The following BMP7 variants were observed in gnomAD, a reference collection of about 807,000 sequenced individuals.
BMP7 encodes osteogenic protein 1.
A neutral mutation model predicts 41.2 loss-of-function variants in BMP7; 12 were observed. That is an observed-to-expected ratio of 0.29 (90% CI 0.19 to 0.47). BMP7 has a LOEUF of 0.47. BMP7 is among the 20% of genes least tolerant of loss of function. The pLI is 0.99. For synonymous variants in BMP7, 248 were observed against 250.0 expected, an observed-to-expected ratio of 0.99 and a Z score of 0.07; for missense variants, 467 against 606.0, an observed-to-expected ratio of 0.77 and a Z score of 2.41.
At chr20:57,250,538 C>CAAAAAAAAAAAAAA (rs57036984) in intron 1 of BMP7, among the ~76,000 whole-genome samples, 1 of 89,554 alleles carries the variant, frequency 1.1e-5, no homozygotes, top group African/African-American at 3.4e-5. Context: ...GACTCTGACT[C>CAAAAAAAAAAAAAA]AAAAAAAAAA....
chr20:57,197,668 C>A (rs779069739), intron 3 of BMP7, among the ~76,000 whole-genome samples: 3 of 152,204 alleles, frequency 2.0e-5, no homozygotes, highest in Non-Finnish European at 4.4e-5. Context: ...CTAAATAAAT[C>A]AACAATTAGA....
intron 2 of BMP7, among the ~76,000 whole-genome samples, chr20:57,216,495 C>G (rs1985022784): frequency 6.7e-6 from 1 of 150,108 alleles, no homozygotes; most frequent in Non-Finnish European, 1.5e-5. Flanking sequence ...AGGGCGCTGT[C>G]TCCTGAGGGC....
In BMP7 at chr20:57,232,242, AG is replaced by A. The variant is rs537504860; in HGVS notation, c.419-3822del. Among the ~76,000 whole-genome samples the A allele has an allele frequency of 1.2e-4, 19 of 152,170 alleles. 1 individual carries two copies. In the South Asian group the frequency reaches 3.7e-3, roughly 30 times the overall value. The stretch of plus-strand genomic sequence containing the variant: ...TAGTAACAATGGCCCTTTCTCATGG[AG>A]TTGTTGGGAAGATTACAGAAGCCAT... On this transcript the variant is annotated intron_variant, in intron 1 of 6. Transcript: ENST00000395863.
chr20:57,204,215 C>T (rs907370972), intron 2 of BMP7, among the ~76,000 whole-genome samples: 3 of 152,166 alleles, frequency 2.0e-5, no homozygotes, highest in Non-Finnish European at 4.4e-5. Context: ...GGGCAGGAGC[C>T]GAGCCACTCA....
At chr20:57,205,540 ACTT>A (rs1349903324) in intron 2 of BMP7, among the ~76,000 whole-genome samples, 1 of 152,218 alleles carries the variant, frequency 6.6e-6, no homozygotes, top group Non-Finnish European at 1.5e-5. Flanking sequence ...AGTCGAAACA[ACTT>A]CTCCTACTGA....
intron 3 of BMP7, among the ~76,000 whole-genome samples, chr20:57,198,998 C>T (rs1984564125): frequency 6.6e-6 from 1 of 152,166 alleles, no homozygotes; most frequent in Non-Finnish European, 1.5e-5. Context: ...TTCAGGTGAC[C>T]CTGTCTCTAC....
rs1272904190 is a variant in BMP7, at chr20:57,265,781, C to G, written c.342G>C (p.Gln114His). 5 of 1,610,400 alleles carry G rather than the reference C, an allele frequency of 3.1e-6. No individual in the cohort carries two copies. Among genetic ancestry groups the G allele is most frequent in the Non-Finnish European group, 4.2e-6 (5 of 1,178,670 alleles). ...SYPYKAVFSTQGPPLASLQDS... is the reference protein window; with the variant it reads ...SYPYKAVFSTHGPPLASLQDS... ...CTTGCAGGCTGGCCAGAGGGGGGCC[C>G]TGGGTACTGAAGACGGCCTTGTAGG... Residue 114 changes from glutamine (Q) to histidine (H), a missense_variant, in exon 1 of 7, where the codon CAG (glutamine) becomes CAC (histidine). Gln to His is a conservative substitution (Grantham distance 24). Coordinates refer to ENST00000395863, the MANE Select transcript of BMP7 (RefSeq NM_001719.3).
At chr20:57,191,679 G>A (rs919579916) in intron 3 of BMP7, among the ~76,000 whole-genome samples, 4 of 149,660 alleles carry the variant, frequency 2.7e-5, no homozygotes, top group Admixed American at 1.3e-4. Context: ...GCAGTGAGCC[G>A]GAGATCATGT....
At position 57,247,096 on chromosome 20, in the gene BMP7, A is replaced by G. The variant is rs2066093472; in HGVS notation, c.418+18609T>C. On this transcript the variant is annotated intron_variant, in intron 1 of 6. Coordinates refer to ENST00000395863, the MANE Select transcript of BMP7 (RefSeq NM_001719.3). ...ATGGCTAACATAGCTGTAATCAGAT[A>G]GTAGACACACCTCCACACCCCAGCC... is the stretch of plus-strand genomic sequence containing the variant. 2.6e-5 allele frequency among the ~76,000 whole-genome samples: 4 copies of G among 152,242 alleles called. No individual in the cohort carries two copies. The South Asian group carries it at 8.3e-4, about 32-fold the overall frequency.
At position 57,259,024 on chromosome 20, in the gene BMP7, A is replaced by C. The variant is rs1284884328; in HGVS notation, c.418+6681T>G. Reference sequence around the variant, plus strand: ...CTTGTAGCCTTTATAAAATGAGGACACAAATGCAGAGATGTTAAGTAACTT... The same window carrying C: ...CTTGTAGCCTTTATAAAATGAGGACCCAAATGCAGAGATGTTAAGTAACTT... On this transcript the variant is annotated intron_variant, in intron 1 of 6. Transcript: ENST00000395863. The surrounding 1 kb of genome is among the most constrained non-coding windows in gnomAD (Gnocchi z 4.7). Among the ~76,000 whole-genome samples the C allele has an allele frequency of 6.6e-6, 1 of 152,208 alleles. No individual in the cohort carries two copies. The highest frequency in any genetic ancestry group is 2.4e-5 in the African/African-American group (1 of 41,446).
intron 6 of BMP7, among the ~76,000 whole-genome samples, chr20:57,172,220 G>C (rs532031640): frequency 2.2e-3 from 338 of 152,306 alleles, no homozygotes; most frequent in Non-Finnish European, 3.8e-3. Context: ...CCAGGCCAGG[G>C]AACAGGTTGG....
At chr20:57,248,497 T>C (rs1303005123) in intron 1 of BMP7, among the ~76,000 whole-genome samples, 1 of 152,230 alleles carries the variant, frequency 6.6e-6, no homozygotes, top group Non-Finnish European at 1.5e-5. Context: ...GAGCTCTTTG[T>C]GCCATTCCCC....
intron 1 of BMP7, among the ~76,000 whole-genome samples, chr20:57,264,087 C>G (rs2066164048): frequency 6.6e-6 from 1 of 152,196 alleles, no homozygotes; most frequent in Non-Finnish European, 1.5e-5. Context: ...ATAATTTAAA[C>G]TTTTTTGAAG....
In BMP7 at chr20:57,174,482, A is replaced by C. The variant is rs1027200809; in HGVS notation, c.1035+449T>G. 4.6e-5 allele frequency among the ~76,000 whole-genome samples: 7 copies of C among 151,882 alleles called. No individual in the cohort carries two copies. The highest frequency in any genetic ancestry group is 1.5e-4 in the African/African-American group (6 of 41,314). ...AGCCATGTGCCAGTAACATGACCCCACCCCTGAAACAGTTGACTGGTTCAG... is the reference window on the plus strand; with the variant it reads ...AGCCATGTGCCAGTAACATGACCCCCCCCCTGAAACAGTTGACTGGTTCAG... On this transcript the variant is annotated intron_variant, in intron 5 of 6. Transcript: ENST00000395863. The surrounding 1 kb of genome is among the most constrained non-coding windows in gnomAD (Gnocchi z 4.3).
At chr20:57,212,577 C>G (rs562573273) in intron 2 of BMP7, among the ~76,000 whole-genome samples, 1 of 152,200 alleles carries the variant, frequency 6.6e-6, no homozygotes, top group Non-Finnish European at 1.5e-5. Flanking sequence ...GTTGCTGGGC[C>G]GCAAGGATAT....
chr20:57,219,566 G>A (rs1477934400), intron 2 of BMP7, among the ~76,000 whole-genome samples: 1 of 152,158 alleles, frequency 6.6e-6, no homozygotes, highest in Non-Finnish European at 1.5e-5. Flanking sequence ...GCCCTACTAT[G>A]CCCAGGATGG....
chr20:57,193,238 T>C (rs1409149104), intron 3 of BMP7, among the ~76,000 whole-genome samples: 4 of 152,166 alleles, frequency 2.6e-5, no homozygotes, highest in Non-Finnish European at 5.9e-5. Flanking sequence ...CACAAAGAAC[T>C]CTCTGAGCTG....
At chr20:57,216,512 G>A (rs1472490617) in intron 2 of BMP7, among the ~76,000 whole-genome samples, 2 of 150,804 alleles carry the variant, frequency 1.3e-5, no homozygotes, top group Admixed American at 6.6e-5. Flanking sequence ...GGGCGAGGGG[G>A]CTGTCTCCTG....
intron 3 of BMP7, 77 bp downstream of exon 3, chr20:57,202,398 G>C: frequency 2.6e-6 from 4 of 1,553,612 alleles, no homozygotes; most frequent in Middle Eastern, 2.2e-4. Flanking sequence ...AGTGAAGCAA[G>C]CATGAGCACT....
Sources: gnomAD v4.1 joint callset for allele counts (sites outside exome capture counted in the v4.1 genomes callset) on GRCh38, gnomAD v4.1.1 for gene constraint, Gnocchi (gnomAD v3.1) non-coding constraint, MANE v1.5 for transcripts, NCBI Gene and HGNC (gene_info 2026-07-23, HGNC 2026-07-21) for gene names.